TNS3: variants seen among roughly 807,000 people sequenced by gnomAD.
TNS3 encodes tensin 3.
TNS3 carries 45 observed loss-of-function variants against 140.9 expected under a neutral mutation model. That is an observed-to-expected ratio of 0.32 (90% CI 0.25 to 0.41). TNS3 has a LOEUF of 0.41. Among genes scored for constraint, TNS3 ranks in the 10% least tolerant of loss-of-function variants. The pLI, the probability that TNS3 is intolerant of heterozygous loss-of-function variation, is 1.00. For synonymous variants in TNS3, 815 were observed against 788.4 expected, an observed-to-expected ratio of 1.03 and a Z score of -0.56; for missense variants, 1,716 against 1,906.7, an observed-to-expected ratio of 0.90 and a Z score of 1.86.
At chr7:47,281,588 T>G (rs1268525256) in intron 28 of TNS3, among the ~76,000 whole-genome samples, 1 of 152,198 alleles carries the variant, frequency 6.6e-6, no homozygotes. Flanking sequence ...TAAGGCTGAT[T>G]GTTGGTGAGA....
intron 4 of TNS3, among the ~76,000 whole-genome samples, chr7:47,474,656 C>T (rs1797107199): frequency 1.4e-5 from 2 of 147,580 alleles, no homozygotes; most frequent in African/African-American, 5.0e-5. Context: ...ACAACACACA[C>T]AAAAAACACC....
intron 1 of TNS3, among the ~76,000 whole-genome samples, chr7:47,577,647 G>C (rs913666418): frequency 6.6e-6 from 1 of 152,340 alleles, no homozygotes; most frequent in African/African-American, 2.4e-5. Flanking sequence ...CTCTCTTCCA[G>C]AAAAGGGAGA....
chr7:47,378,327 G>A (rs937577079), intron 16 of TNS3, among the ~76,000 whole-genome samples: 3 of 152,108 alleles, frequency 2.0e-5, no homozygotes, highest in South Asian at 2.1e-4. Flanking sequence ...CTGACCTCCC[G>A]TCTCGAGAAT....
At chr7:47,416,743 G>A (rs947420184) in intron 10 of TNS3, among the ~76,000 whole-genome samples, 12 of 152,186 alleles carry the variant, frequency 7.9e-5, no homozygotes, top group East Asian at 1.9e-4. Flanking sequence ...TCAGTTGTAC[G>A]TAGGCAGAGG....
At chr7:47,296,951 A>G in intron 24 of TNS3, 131 bp downstream of exon 24, 1 of 1,214,998 alleles carries the variant, frequency 8.2e-7, no homozygotes, top group South Asian at 1.6e-5. Flanking sequence ...AATATACCTG[A>G]AAAAATAAAT....
intron 16 of TNS3, among the ~76,000 whole-genome samples, chr7:47,391,577 C>T (rs12670539): frequency 0.16 from 24,597 of 152,138 alleles, 2,361 homozygotes; most frequent in East Asian, 0.32. Context: ...CTGACACCGA[C>T]GCTCCAGAGA....
chr7:47,319,954 T>C (rs1368405947), intron 20 of TNS3, among the ~76,000 whole-genome samples: 1 of 152,188 alleles, frequency 6.6e-6, no homozygotes, highest in East Asian at 1.9e-4. Context: ...CAATGAGGAA[T>C]GCAACACTGG....
intron 5 of TNS3, among the ~76,000 whole-genome samples, chr7:47,440,165 G>A (rs953980128): frequency 1.3e-5 from 2 of 152,048 alleles, no homozygotes; most frequent in Non-Finnish European, 2.9e-5. Context: ...GTCCGTATGC[G>A]GCATCCTGGG....
chr7:47,320,217 C>T (rs1787652666), intron 20 of TNS3, among the ~76,000 whole-genome samples: 1 of 152,208 alleles, frequency 6.6e-6, no homozygotes, highest in Admixed American at 6.5e-5. Context: ...CCATCTATAC[C>T]TGTGAGGAGG....
At chr7:47,384,295 C>T (rs969414609) in intron 16 of TNS3, among the ~76,000 whole-genome samples, 1 of 152,236 alleles carries the variant, frequency 6.6e-6, no homozygotes, top group African/African-American at 2.4e-5. Context: ...CGGGAAGGGG[C>T]AGCCTGTGCC....
At chr7:47,320,297 C>T (rs567526607) in intron 20 of TNS3, among the ~76,000 whole-genome samples, 28 of 152,250 alleles carry the variant, frequency 1.8e-4, no homozygotes, top group African/African-American at 6.5e-4. Context: ...TGGAGCAGGA[C>T]TCAAACATGA....
chr7:47,515,272 T>C (rs777531013), intron 2 of TNS3, among the ~76,000 whole-genome samples: 3 of 152,284 alleles, frequency 2.0e-5, no homozygotes, highest in Admixed American at 6.5e-5. Context: ...AAAGGAACGG[T>C]AGAAATACTG....
At chr7:47,445,046 G>A (rs557853782) in intron 4 of TNS3, among the ~76,000 whole-genome samples, 7 of 152,302 alleles carry the variant, frequency 4.6e-5, no homozygotes, top group Admixed American at 2.0e-4. Flanking sequence ...GCAGGAAGGA[G>A]GAATTCAGCC....
chr7:47,554,589 G>A (rs1426496531), intron 1 of TNS3, among the ~76,000 whole-genome samples: 1 of 152,206 alleles, frequency 6.6e-6, no homozygotes, highest in Admixed American at 6.5e-5. Flanking sequence ...CTTCAGTGAA[G>A]AAAGGAGCTG....
At chr7:47,505,297 G>A (rs2151876351) in intron 3 of TNS3, among the ~76,000 whole-genome samples, 1 of 152,330 alleles carries the variant, frequency 6.6e-6, no homozygotes, top group East Asian at 1.9e-4. Flanking sequence ...CAGAAGCACT[G>A]CTCCCACACC....
At chr7:47,288,707 C>CCCTCACAAGGGAAAGGGTGAGG (rs1288134482) in intron 27 of TNS3, among the ~76,000 whole-genome samples, 5 of 152,206 alleles carry the variant, frequency 3.3e-5, no homozygotes, top group Non-Finnish European at 2.9e-5. Context: ...CAGCCCAGGT[C>CCCTCACAAGGGAAAGGGTGAGG]CCTCACAAGG....
chr7:47,573,765 C>T (rs1387967296), intron 1 of TNS3, among the ~76,000 whole-genome samples: 1 of 152,208 alleles, frequency 6.6e-6, no homozygotes, highest in Non-Finnish European at 1.5e-5. Context: ...TAGGATGAGT[C>T]TGCCTCCTCC....
chr7:47,434,334 T>C (rs1243899149), intron 8 of TNS3, among the ~76,000 whole-genome samples: 1 of 151,906 alleles, frequency 6.6e-6, no homozygotes, highest in Non-Finnish European at 1.5e-5. Context: ...AACTTCTATC[T>C]TGAACCGTCA....
intron 1 of TNS3, chr7:47,556,936 G>A (rs6954946): frequency 0.42 from 185,465 of 438,878 alleles, 39,798 homozygotes; most frequent in Middle Eastern, 0.5. Flanking sequence ...CAGCCAAGAG[G>A]CCCTACTCCC....
Sources: allele counts gnomAD v4.1 joint callset (sites outside exome capture counted in the v4.1 genomes callset), GRCh38; gene constraint gnomAD v4.1.1; transcripts MANE v1.5; gene names NCBI Gene and HGNC (gene_info 2026-07-23, HGNC 2026-07-21).